Variants in TRDN observed in about 807,000 individuals in gnomAD.
TRDN encodes triadin in skeletal muscle.
A neutral mutation model predicts 149.7 loss-of-function variants in TRDN; 161 were observed. The observed-to-expected ratio is 1.08, with a 90% confidence interval of 0.95 to 1.23. The LOEUF is 1.23. Ranked by LOEUF, TRDN falls within the 50% of genes most tolerant of loss-of-function variation. The pLI, the probability that TRDN is intolerant of heterozygous loss-of-function variation, is 0.00. For synonymous variants in TRDN, 294 were observed against 250.5 expected, an observed-to-expected ratio of 1.17 and a Z score of -1.64; for missense variants, 896 against 823.5, an observed-to-expected ratio of 1.09 and a Z score of -1.08.
intron 38 of TRDN, among the ~76,000 whole-genome samples, chr6:123,252,112 T>C (rs1316522028): frequency 6.6e-6 from 1 of 152,120 alleles, no homozygotes; most frequent in East Asian, 1.9e-4. Context: ...TACAGAATTA[T>C]TTTATTTCAC....
chr6:123,393,797 G>T (rs955859825), intron 12 of TRDN, 120 bp from the exon 13 acceptor site: 12 of 928,506 alleles, frequency 1.3e-5, no homozygotes, highest in African/African-American at 3.4e-5. Flanking sequence ...TTGACACGAA[G>T]AATTTTTGTT....
At chr6:123,486,128 T>A (rs926793054) in intron 9 of TRDN, among the ~76,000 whole-genome samples, 2 of 152,112 alleles carry the variant, frequency 1.3e-5, no homozygotes, top group African/African-American at 2.4e-5. Context: ...AGGCATAAGA[T>A]GACTTAAATT....
rs561816775 is a variant in TRDN, at chr6:123,498,573, T to A, written c.794-1321A>T. ...GGGAAGGAGGCTAGTCCTCAGGTCA[T>A]TCCATGCATTGATTTGCCCTTTGAT... On this transcript the variant is annotated intron_variant, in intron 8 of 40. Transcript: ENST00000334268. 1.9e-5 allele frequency: 9 copies of A among 471,144 alleles called. No homozygotes were observed. The Admixed American group carries it at 2.1e-4, about 11-fold the overall frequency. 29.2% of individuals were successfully genotyped at this position (471,144 alleles called of 1,614,324 possible).
intron 40 of TRDN, among the ~76,000 whole-genome samples, chr6:123,219,851 C>T (rs7759748): frequency 0.034 from 5,231 of 151,816 alleles, 318 homozygotes; most frequent in African/African-American, 0.12. Context: ...GTAGTAAAGC[C>T]GGCCCTGCAC....
intron 22 of TRDN, among the ~76,000 whole-genome samples, chr6:123,333,441 A>G (rs1779737407): frequency 6.6e-6 from 1 of 152,106 alleles, no homozygotes; most frequent in African/African-American, 2.4e-5. Flanking sequence ...TGTAAACCCA[A>G]TACCGTAAGC....
intron 12 of TRDN, among the ~76,000 whole-genome samples, chr6:123,412,967 A>G (rs1368675175): frequency 6.6e-6 from 1 of 152,148 alleles, no homozygotes; most frequent in East Asian, 1.9e-4. Flanking sequence ...ATGTTCAATA[A>G]TTCTCTGTGT....
In TRDN at chr6:123,218,488, A is replaced by G. The variant is rs1044300991; in HGVS notation, c.*113T>C. 6.8e-6 allele frequency: 9 copies of G among 1,325,462 alleles called. No homozygotes were observed. The highest frequency in any genetic ancestry group is 2.7e-5 in the Admixed American group (1 of 37,376). 82.1% of individuals were successfully genotyped at this position (1,325,462 alleles called of 1,614,324 possible). A position where few individuals can be genotyped will look rare whatever the true frequency, so the allele number is the denominator to read the frequency against. On this transcript the variant is annotated 3_prime_UTR_variant, in exon 41 of 41. Coordinates refer to ENST00000334268, the MANE Select transcript of TRDN (RefSeq NM_006073.4). ...CCGTCCACACCAGGCCAAAGAGCAA[A>G]ATGTTTTCACAGAAATTCTCTGGGT...
intron 10 of TRDN, chr6:123,464,271 A>T (rs1033792305): frequency 4.0e-5 from 39 of 984,930 alleles, no homozygotes; most frequent in Non-Finnish European, 4.6e-5. Context: ...AGCAAAATTT[A>T]TTACAAAGCT....
chr6:123,489,617 T>G (rs538710996), intron 9 of TRDN: 3 of 152,190 alleles, frequency 2.0e-5, no homozygotes, highest in Admixed American at 6.5e-5. Flanking sequence ...TAAGGCACTT[T>G]ATGGAAACTT....
At chr6:123,606,218 C>T (rs931189157) in intron 1 of TRDN, among the ~76,000 whole-genome samples, 1 of 151,188 alleles carries the variant, frequency 6.6e-6, no homozygotes, top group Admixed American at 6.6e-5. Flanking sequence ...TTATTTCTAA[C>T]ATAATCAAGT....
intron 9 of TRDN, among the ~76,000 whole-genome samples, chr6:123,472,912 AG>A (rs1777260648): frequency 6.6e-6 from 1 of 152,238 alleles, no homozygotes; most frequent in Admixed American, 6.5e-5. Context: ...ACTAACAAAC[AG>A]AAAGGACATC....
At chr6:123,390,027 C>T (rs1364705875) in intron 13 of TRDN, among the ~76,000 whole-genome samples, 1 of 151,990 alleles carries the variant, frequency 6.6e-6, no homozygotes, top group African/African-American at 2.4e-5. Flanking sequence ...TCAAAATCAT[C>T]CAATCATGAT....
intron 2 of TRDN, among the ~76,000 whole-genome samples, chr6:123,550,504 C>T (rs1472534800): frequency 6.6e-6 from 1 of 151,796 alleles, no homozygotes; most frequent in Non-Finnish European, 1.5e-5. Flanking sequence ...GGAGTGCATT[C>T]AAGACAAAAT....
chr6:123,375,915 A>T (rs2114395885), intron 18 of TRDN, among the ~76,000 whole-genome samples: 1 of 152,238 alleles, frequency 6.6e-6, no homozygotes, highest in African/African-American at 2.4e-5. Context: ...ATTTTTAATT[A>T]TCCAAGGATC....
chr6:123,521,568 TC>T (rs1779683472), intron 5 of TRDN, among the ~76,000 whole-genome samples: 1 of 152,084 alleles, frequency 6.6e-6, no homozygotes, highest in African/African-American at 2.4e-5. Context: ...AAAAAACTCA[TC>T]CTGTGGAAAC....
At chr6:123,351,404 C>G (rs1249489477) in intron 21 of TRDN, 4 of 984,652 alleles carry the variant, frequency 4.1e-6, no homozygotes, top group Non-Finnish European at 4.8e-6. Flanking sequence ...AAATTAGGAT[C>G]CAGTGCTCCC....
intron 26 of TRDN, among the ~76,000 whole-genome samples, chr6:123,276,360 T>C (rs60270443): frequency 0.058 from 8,895 of 152,216 alleles, 862 homozygotes; most frequent in African/African-American, 0.2. Flanking sequence ...CTTAATTGTG[T>C]TCTTCTGTTA....
intron 35 of TRDN, 110 bp downstream of exon 35, chr6:123,259,514 T>C: frequency 1.4e-6 from 1 of 711,562 alleles, no homozygotes; most frequent in Non-Finnish European, 2.4e-6. Context: ...AAAATCAGTG[T>C]CTTCATTTTC....
chr6:123,446,243 G>T (rs1775342678), intron 10 of TRDN, among the ~76,000 whole-genome samples: 1 of 151,490 alleles, frequency 6.6e-6, no homozygotes, highest in South Asian at 2.1e-4. Flanking sequence ...TTGTGGGGTG[G>T]GGGGAGTGGG....
Sources: gnomAD v4.1 joint callset for allele counts (sites outside exome capture counted in the v4.1 genomes callset) on GRCh38, gnomAD v4.1.1 for gene constraint, MANE v1.5 for transcripts, NCBI Gene and HGNC (gene_info 2026-07-23, HGNC 2026-07-21) for gene names.